CSGALNACT1: variants seen among roughly 807,000 people sequenced by gnomAD.
CSGALNACT1 encodes the protein chondroitin sulfate N-acetylgalactosaminyltransferase 1.
A neutral mutation model predicts 51.0 loss-of-function variants in CSGALNACT1; 52 were observed. That is an observed-to-expected ratio of 1.02 (90% confidence interval 0.82 to 1.29). The LOEUF (loss-of-function observed/expected upper bound fraction) is 1.29, where lower values mean the gene tolerates loss of function less well. Ranked by LOEUF, CSGALNACT1 falls within the 50% of genes most tolerant of loss-of-function variation. The pLI, the probability that CSGALNACT1 is intolerant of heterozygous loss-of-function variation, is 0.00. For missense variants in CSGALNACT1, 935 were observed against 679.2 expected (o/e 1.38, Z -4.19); for synonymous variants, 341 against 254.4 (o/e 1.34, Z -3.24).
intron 4 of CSGALNACT1, among the ~76,000 whole-genome samples, chr8:19,498,966 A>G (rs1194107819): frequency 6.6e-6 from 1 of 152,120 alleles, no homozygotes. Flanking sequence ...GGTTTAAAAA[A>G]TTGGCTGGAC....
chr8:19,675,507 C>A (rs1009628246), intron 1 of CSGALNACT1, among the ~76,000 whole-genome samples: 2 of 152,028 alleles, frequency 1.3e-5, no homozygotes, highest in Non-Finnish European at 2.9e-5. Flanking sequence ...ATCCCTCCCC[C>A]CAGACAGAGT....
At position 19,649,470 on chromosome 8, in the gene CSGALNACT1, G is replaced by A. The variant is rs1333251783; in HGVS notation, c.-544+33003C>T. On this transcript the variant is annotated intron_variant, in intron 1 of 9. Coordinates refer to the CSGALNACT1 transcript ENST00000332246. Reference sequence around the variant, plus strand: ...CCTTCTGGAATTAATTAGGAAGAAGGACAACATGAATGCTGCTGTATATCA... The same window carrying A: ...CCTTCTGGAATTAATTAGGAAGAAGAACAACATGAATGCTGCTGTATATCA... Among the ~76,000 whole-genome samples the A allele has an allele frequency of 3.3e-5, 5 of 152,060 alleles. No individual in the cohort carries two copies. In the South Asian group the frequency reaches 1.0e-3, roughly 32 times the overall value.
intron 1 of CSGALNACT1, among the ~76,000 whole-genome samples, chr8:19,679,300 C>A (rs899209813): frequency 6.6e-6 from 1 of 151,648 alleles, no homozygotes; most frequent in Non-Finnish European, 1.5e-5. Flanking sequence ...AAACAAAATA[C>A]AAAAATTAGT....
chr8:19,516,873 C>A (rs2079628198), intron 3 of CSGALNACT1, among the ~76,000 whole-genome samples: 1 of 152,182 alleles, frequency 6.6e-6, no homozygotes, highest in Non-Finnish European at 1.5e-5. Flanking sequence ...CCACGGCAGT[C>A]TCAGTGGTTC....
chr8:19,603,428 C>T (rs374865418), upstream of CSGALNACT1, among the ~76,000 whole-genome samples: 327 of 152,342 alleles, frequency 2.1e-3, 3 homozygotes, highest in African/African-American at 7.6e-3. Flanking sequence ...CCAACTCGGT[C>T]CTCTACTGCG....
chr8:19,645,354 T>C (rs993639659), intron 1 of CSGALNACT1, among the ~76,000 whole-genome samples: 3 of 152,186 alleles, frequency 2.0e-5, no homozygotes, highest in Non-Finnish European at 4.4e-5. Context: ...CAACTGAAGA[T>C]AACAAAAGCT....
At chr8:19,682,895 C>A (rs1210476243), upstream of CSGALNACT1, 2 of 365,120 alleles carry the variant, frequency 5.5e-6, no homozygotes, top group East Asian at 7.4e-5. Context: ...CGCTGTCAAG[C>A]AACCCCATGA....
At position 19,664,676 on chromosome 8, in the gene CSGALNACT1, CACACATAT is replaced by C. The variant is rs1238135161; in HGVS notation, c.-544+17789_-544+17796del. Among the ~76,000 whole-genome samples, 354 of 151,056 alleles carry C rather than the reference CACACATAT, an allele frequency of 2.3e-3. 2 individuals carry two copies. Among genetic ancestry groups the C allele is most frequent in the African/African-American group, 7.8e-3 (324 of 41,398 alleles). ...ACACACACACACACATACACACATA[CACACATAT>C]ACACAATGGAATACTACTCAGCCAC... On this transcript the variant is annotated intron_variant, in intron 1 of 9. Transcript: ENST00000332246.
chr8:19,669,651 T>C lies in CSGALNACT1; in HGVS notation c.-544+12822A>G, dbSNP rs2059639627. Among the ~76,000 whole-genome samples, 4 of 152,222 alleles carry C rather than the reference T, an allele frequency of 2.6e-5. No homozygotes were observed. The South Asian group carries it at 8.3e-4, about 32-fold the overall frequency. On this transcript the variant is annotated intron_variant, in intron 1 of 9. Transcript: ENST00000332246. ...GTTTGTTTGTTTTTGTTTTGTTTTT[T>C]TTAGTAGAGATGGGGGTTTCACCAC...
chr8:19,642,463 G>T (rs2056835941), intron 1 of CSGALNACT1, among the ~76,000 whole-genome samples: 1 of 152,098 alleles, frequency 6.6e-6, no homozygotes, highest in Non-Finnish European at 1.5e-5. Flanking sequence ...AATACATGAT[G>T]AAGTGATGAC....
intron 3 of CSGALNACT1, among the ~76,000 whole-genome samples, chr8:19,518,015 A>G (rs2079899686): frequency 1.3e-5 from 2 of 152,202 alleles, no homozygotes; most frequent in African/African-American, 4.8e-5. Context: ...AAGACTCAGG[A>G]AAGTAAGCAC....
chr8:19,614,742 A>C (rs1265557606), intron 1 of CSGALNACT1, among the ~76,000 whole-genome samples: 1 of 152,224 alleles, frequency 6.6e-6, no homozygotes, highest in Non-Finnish European at 1.5e-5. Context: ...ATGTGTTCCA[A>C]ACTCTTCAAT....
At chr8:19,656,592 C>CA (rs374257118) in intron 1 of CSGALNACT1, among the ~76,000 whole-genome samples, 4,016 of 88,140 alleles carry the variant, frequency 0.046, 89 homozygotes, top group Non-Finnish European at 0.062. Context: ...AGAAACTACG[C>CA]CCCCCCCCCA....
At chr8:19,566,127 G>C (rs923979135) in intron 3 of CSGALNACT1, among the ~76,000 whole-genome samples, 2 of 152,304 alleles carry the variant, frequency 1.3e-5, no homozygotes, top group African/African-American at 2.4e-5. Flanking sequence ...ATGGCAAAAA[G>C]ATATAATAGA....
chr8:19,632,369 C>A (rs1265239020), intron 1 of CSGALNACT1, among the ~76,000 whole-genome samples: 1 of 152,240 alleles, frequency 6.6e-6, no homozygotes, highest in South Asian at 2.1e-4. Flanking sequence ...TATCTATCTG[C>A]CGTTTACGGC....
upstream of CSGALNACT1, among the ~76,000 whole-genome samples, chr8:19,686,326 A>C (rs2154212101): frequency 6.6e-6 from 1 of 152,356 alleles, no homozygotes; most frequent in East Asian, 1.9e-4. Context: ...CTAGAAGAAT[A>C]GAAAAAGCTC....
chr8:19,725,812 T>C (rs561179373), intron 1 of CSGALNACT1, among the ~76,000 whole-genome samples: 2 of 152,190 alleles, frequency 1.3e-5, no homozygotes, highest in East Asian at 3.9e-4. Context: ...ATATACCCTC[T>C]ACCCCCAACA....
chr8:19,483,151 G>A (rs919757460), intron 4 of CSGALNACT1, among the ~76,000 whole-genome samples: 3 of 152,124 alleles, frequency 2.0e-5, no homozygotes, highest in African/African-American at 4.8e-5. Flanking sequence ...AGCTGGTAAC[G>A]TCTCAGCCTG....
intron 9 of CSGALNACT1, 123 bp from the exon 9 acceptor site, chr8:19,406,192 C>T: frequency 8.8e-7 from 1 of 1,142,448 alleles, no homozygotes; most frequent in East Asian, 2.4e-5. Flanking sequence ...CACCACCACC[C>T]CTCCAAGGTA....
Sources: gnomAD v4.1 joint callset for allele counts (sites outside exome capture counted in the v4.1 genomes callset) on GRCh38, gnomAD v4.1.1 for gene constraint, MANE v1.5 for transcripts, NCBI Gene and HGNC (gene_info 2026-07-23, HGNC 2026-07-21) for gene names.